The following KCNIP4 variants were observed in gnomAD, a reference collection of about 807,000 sequenced individuals.
The protein encoded by KCNIP4 is potassium voltage-gated channel interacting protein 4, also known as Kv channel-interacting protein 4.
KCNIP4 carries 12 observed loss-of-function variants against 34.0 expected under a neutral mutation model. The observed-to-expected ratio is 0.35, with a 90% CI of 0.23 to 0.57. The LOEUF (loss-of-function observed/expected upper bound fraction) is 0.57. KCNIP4 is among the 20% of genes least tolerant of loss of function. KCNIP4 has a pLI of 0.83. For synonymous variants in KCNIP4, 124 were observed against 102.2 expected, an observed-to-expected ratio of 1.21 and a Z score of -1.29; for missense variants, 238 against 311.7, an observed-to-expected ratio of 0.76 and a Z score of 1.78.
At chr4:21,005,179 G>A (rs902325951) in intron 1 of KCNIP4, among the ~76,000 whole-genome samples, 1 of 152,088 alleles carries the variant, frequency 6.6e-6, no homozygotes, top group African/African-American at 2.4e-5. Flanking sequence ...ATAAAAACAG[G>A]GGTTCCCAGA....
chr4:21,853,539 T>A (rs906654728), intron 1 of KCNIP4, among the ~76,000 whole-genome samples: 5 of 152,192 alleles, frequency 3.3e-5, no homozygotes, highest in African/African-American at 1.2e-4. Context: ...CAATTAACAT[T>A]TTCTGAGCAC....
rs151032717 is a variant in KCNIP4 at position 21,839,546 on chromosome 4, A to T, written c.61+109025T>A. ...AGGTGGGTGGATCGCCTGAGGTTAG[A>T]AGTTCGAGACCAGCCTGACTAACAT... On this transcript the variant is annotated intron_variant, in intron 1 of 8. Coordinates refer to ENST00000382152, the MANE Select transcript of KCNIP4 (RefSeq NM_025221.6). Among the ~76,000 whole-genome samples the T allele has an allele frequency of 8.4e-3, 1,283 of 152,214 alleles. 14 individuals carry two copies. Among genetic ancestry groups the T allele is most frequent in the South Asian group, 0.028 (137 of 4,828 alleles).
chr4:21,305,221 G>A (rs1036399254), intron 1 of KCNIP4, among the ~76,000 whole-genome samples: 2 of 152,156 alleles, frequency 1.3e-5, no homozygotes, highest in Non-Finnish European at 2.9e-5. Flanking sequence ...ATAGAATGAA[G>A]GCATCCTTCA....
At chr4:21,389,060 T>C (rs1295049479) in intron 1 of KCNIP4, among the ~76,000 whole-genome samples, 6 of 151,936 alleles carry the variant, frequency 3.9e-5, no homozygotes, top group Admixed American at 3.9e-4. Context: ...TCAAGGCTCA[T>C]TGCAGCCTTG....
chr4:21,764,713 C>T (rs1452077137), intron 1 of KCNIP4, among the ~76,000 whole-genome samples: 4 of 152,170 alleles, frequency 2.6e-5, no homozygotes, highest in Admixed American at 2.0e-4. Context: ...TCTGCCCTTT[C>T]CACCAAGGGC....
rs188929118 is a variant in KCNIP4, at chr4:21,510,662, C to T, written c.61+437909G>A. On this transcript the variant is annotated intron_variant, in intron 1 of 8. Coordinates refer to ENST00000382152, the MANE Select transcript of KCNIP4 (RefSeq NM_025221.6). The stretch of plus-strand genomic sequence containing the variant: ...TCTCTAAGCCTCAGTTTCCTCATCT[C>T]TAAAATAAAGCTAATATGTTGACCC... Among the ~76,000 whole-genome samples, 317 of 152,130 alleles carry T rather than the reference C, an allele frequency of 2.1e-3. 3 individuals are homozygous for T. Among genetic ancestry groups the T allele is most frequent in the African/African-American group, 7.3e-3 (301 of 41,492 alleles).
At chr4:21,125,763 G>A (rs1750563722) in intron 1 of KCNIP4, among the ~76,000 whole-genome samples, 1 of 152,076 alleles carries the variant, frequency 6.6e-6, no homozygotes, top group Admixed American at 6.5e-5. Context: ...ATAATAGTTT[G>A]TTCCATTCTA....
At chr4:20,966,365 G>T (rs1577451292) in intron 1 of KCNIP4, among the ~76,000 whole-genome samples, 1 of 152,112 alleles carries the variant, frequency 6.6e-6, no homozygotes, top group Non-Finnish European at 1.5e-5. Context: ...TCAAATATCT[G>T]TCTGGGGAAA....
intron 1 of KCNIP4, among the ~76,000 whole-genome samples, chr4:20,987,371 T>C (rs1052599665): frequency 1.3e-5 from 2 of 151,856 alleles, no homozygotes; most frequent in African/African-American, 2.4e-5. Flanking sequence ...TTTCTTTACA[T>C]TGTAATGAGT....
intron 1 of KCNIP4, among the ~76,000 whole-genome samples, chr4:21,406,572 GGAGA>G (rs1164347361): frequency 6.6e-6 from 1 of 152,076 alleles, no homozygotes; most frequent in African/African-American, 2.4e-5. Flanking sequence ...TGACAAAATG[GGAGA>G]GATACATAAG....
intron 1 of KCNIP4, among the ~76,000 whole-genome samples, chr4:21,389,287 C>A (rs1021515466): frequency 1.3e-5 from 2 of 151,848 alleles, no homozygotes; most frequent in African/African-American, 4.8e-5. Context: ...AGCACACAGA[C>A]ATATATTCTC....
intron 1 of KCNIP4, among the ~76,000 whole-genome samples, chr4:21,826,769 C>T (rs556901362): frequency 6.6e-6 from 1 of 152,132 alleles, no homozygotes; most frequent in African/African-American, 2.4e-5. Context: ...TTTATTCCCT[C>T]TATAAATTAA....
chr4:21,358,830 A>G (rs961042732), intron 1 of KCNIP4, among the ~76,000 whole-genome samples: 2 of 152,060 alleles, frequency 1.3e-5, no homozygotes, highest in African/African-American at 2.4e-5. Flanking sequence ...CAAATGCAAT[A>G]ATTTGTCTCT....
At chr4:21,357,720 G>A (rs1482475590) in intron 1 of KCNIP4, among the ~76,000 whole-genome samples, 1 of 152,138 alleles carries the variant, frequency 6.6e-6, no homozygotes, top group African/African-American at 2.4e-5. Context: ...CATTGTTGGT[G>A]GGAGTTTAAA....
intron 1 of KCNIP4, among the ~76,000 whole-genome samples, chr4:21,391,825 T>C (rs1439044427): frequency 6.6e-6 from 1 of 152,188 alleles, no homozygotes; most frequent in Non-Finnish European, 1.5e-5. Context: ...ATACTGTTCC[T>C]TAATTCAACC....
intron 1 of KCNIP4, among the ~76,000 whole-genome samples, chr4:21,135,136 T>C (rs1560752996): frequency 6.6e-6 from 1 of 152,206 alleles, no homozygotes; most frequent in African/African-American, 2.4e-5. Context: ...ATGGACATTT[T>C]AGAAAAGATG....
chr4:21,876,459 T>C (rs1726118829), intron 1 of KCNIP4, among the ~76,000 whole-genome samples: 1 of 152,090 alleles, frequency 6.6e-6, no homozygotes. Flanking sequence ...AGAAGCAGGA[T>C]TGTAAGCGGA....
intron 1 of KCNIP4, among the ~76,000 whole-genome samples, chr4:21,395,423 C>A (rs1722903238): frequency 6.6e-6 from 1 of 152,094 alleles, no homozygotes; most frequent in Admixed American, 6.5e-5. Context: ...CTATAGAAGC[C>A]TTTTCTCCCC....
intron 1 of KCNIP4, among the ~76,000 whole-genome samples, chr4:21,330,475 C>T (rs1381671441): frequency 3.3e-5 from 5 of 152,112 alleles, no homozygotes; most frequent in East Asian, 1.9e-4. Context: ...ATGAATTAAA[C>T]GTTGCACCAT....
Sources: allele counts gnomAD v4.1 joint callset (sites outside exome capture counted in the v4.1 genomes callset), GRCh38; gene constraint gnomAD v4.1.1; transcripts MANE v1.5; gene names NCBI Gene and HGNC (gene_info 2026-07-23, HGNC 2026-07-21).